MPP7: variants seen among roughly 807,000 people sequenced by gnomAD.
The protein encoded by MPP7 is MAGUK p55 subfamily member 7.
MPP7 carries 60 observed loss-of-function variants against 76.5 expected under a neutral mutation model. The observed-to-expected ratio is 0.78, with a 90% CI of 0.64 to 0.97. The LOEUF is 0.97. MPP7 is among the 50% of genes least tolerant of loss of function. MPP7 has a pLI of 0.00. For missense variants in MPP7, 641 were observed against 694.0 expected (o/e 0.92, Z 0.86); for synonymous variants, 237 against 244.5 (o/e 0.97, Z 0.29).
At chr10:28,174,642 G>A (rs1189964737) in intron 3 of MPP7, among the ~76,000 whole-genome samples, 4 of 152,050 alleles carry the variant, frequency 2.6e-5, no homozygotes, top group Admixed American at 2.6e-4. Context: ...AAGATACCCC[G>A]CAACTCCATT....
chr10:28,166,974 TCAATAGATATCC>T (rs1836486316), intron 3 of MPP7, among the ~76,000 whole-genome samples: 1 of 152,160 alleles, frequency 6.6e-6, no homozygotes, highest in Non-Finnish European at 1.5e-5. Flanking sequence ...TATTTTGCTA[TCAATAGATATCC>T]CAATTGATAT....
At chr10:28,323,769 A>C (rs1479751956) in intron 2 of MPP7, among the ~76,000 whole-genome samples, 5 of 152,188 alleles carry the variant, frequency 3.3e-5, no homozygotes, top group Admixed American at 3.3e-4. Flanking sequence ...TTCAGTCTCC[A>C]GTCCTGGAGC....
rs911455053 is a variant in MPP7, at chr10:28,053,726, A to G, written c.*339T>C. ...CTCGACAGCAGCAGCCACACCTGAG[A>G]CCAGCAGAAGCGCTGAACTCCCATA... On this transcript the variant is annotated 3_prime_UTR_variant, in exon 17 of 17. Transcript: ENST00000683449. 13 of 218,664 alleles carry G rather than the reference A, an allele frequency of 5.9e-5. No individual in the cohort carries two copies. Among genetic ancestry groups the G allele is most frequent in the African/African-American group, 9.4e-5 (4 of 42,668 alleles). 13.5% of individuals were successfully genotyped at this position (218,664 alleles called of 1,614,324 possible).
chr10:28,261,419 T>C (rs769806652), intron 1 of MPP7, among the ~76,000 whole-genome samples: 1 of 152,210 alleles, frequency 6.6e-6, no homozygotes, highest in African/African-American at 2.4e-5. Flanking sequence ...GCAGTCACCA[T>C]AGTTCCACTA....
At chr10:28,178,551 A>G (rs1836951859) in intron 3 of MPP7, among the ~76,000 whole-genome samples, 1 of 152,088 alleles carries the variant, frequency 6.6e-6, no homozygotes. Flanking sequence ...CAACAAGCAG[A>G]GTAGCATGAT....
At chr10:28,281,941 G>C (rs1176667571) in intron 1 of MPP7, 7 of 152,136 alleles carry the variant, frequency 4.6e-5, no homozygotes. Context: ...AAGGAAGACA[G>C]CTGTGGAAAC....
chr10:28,251,916 A>G lies in MPP7; in HGVS notation c.-131-13181T>C, dbSNP rs556455526. Among the ~76,000 whole-genome samples, 101 of 151,424 alleles carry G rather than the reference A, an allele frequency of 6.7e-4. 1 individual carries two copies. The highest frequency in any genetic ancestry group is 2.1e-3 in the African/African-American group (84 of 40,862). ...TCTAATATATGTATACTTAACAACA[A>G]CAAAAAAAAACTTTTTCCATTTGTT... On this transcript the variant is annotated intron_variant, in intron 1 of 16. Coordinates refer to ENST00000683449, the MANE Select transcript of MPP7 (RefSeq NM_001318170.2).
At chr10:28,230,337 C>A (rs191821748) in intron 2 of MPP7, among the ~76,000 whole-genome samples, 1,824 of 148,700 alleles carry the variant, frequency 0.012, 37 homozygotes, top group African/African-American at 0.042. Flanking sequence ...TTGTACAACC[C>A]CAAAAAGCTT....
intron 5 of MPP7, among the ~76,000 whole-genome samples, chr10:28,134,880 C>A (rs1167427175): frequency 1.3e-5 from 2 of 152,042 alleles, no homozygotes; most frequent in Non-Finnish European, 2.9e-5. Context: ...AGTTCAAATA[C>A]CTTCAAAGTG....
At chr10:28,198,910 A>G (rs554269749) in intron 3 of MPP7, among the ~76,000 whole-genome samples, 1 of 152,214 alleles carries the variant, frequency 6.6e-6, no homozygotes, top group African/African-American at 2.4e-5. Context: ...CACCCTCATA[A>G]ACAATGTATT....
intron 13 of MPP7, 64 bp downstream of exon 13, chr10:28,069,708 T>A (rs763901588): frequency 5.3e-6 from 7 of 1,328,138 alleles, no homozygotes; most frequent in South Asian, 1.7e-5. Context: ...TTTAAAATAA[T>A]TTTTTAAAAA....
chr10:28,283,180 T>C (rs564428326), intron 1 of MPP7, among the ~76,000 whole-genome samples: 14 of 151,988 alleles, frequency 9.2e-5, no homozygotes, highest in African/African-American at 3.4e-4. Flanking sequence ...GAAAGAAAGA[T>C]TAAAGATCCA....
intron 1 of MPP7, among the ~76,000 whole-genome samples, chr10:28,297,794 A>G (rs1340002212): frequency 6.6e-6 from 1 of 152,248 alleles, no homozygotes. Flanking sequence ...GTAGAACCTC[A>G]TTCACAATTG....
intron 2 of MPP7, among the ~76,000 whole-genome samples, chr10:28,223,264 C>T (rs972487676): frequency 6.6e-6 from 1 of 152,090 alleles, no homozygotes; most frequent in Non-Finnish European, 1.5e-5. Flanking sequence ...TGCTAGGAAG[C>T]GAGGATGGGC....
intron 1 of MPP7, among the ~76,000 whole-genome samples, chr10:28,283,423 A>G (rs1179786927): frequency 6.6e-6 from 1 of 152,062 alleles, no homozygotes; most frequent in Non-Finnish European, 1.5e-5. Context: ...GAGGGTTTGC[A>G]TAACACAGCA....
intron 2 of MPP7, chr10:28,236,849 C>CCT (rs112884120): frequency 0.17 from 26,206 of 151,986 alleles, 2,534 homozygotes; most frequent in African/African-American, 0.26. Context: ...AAAAATGACC[C>CCT]GACTGGCCAG....
At chr10:28,283,466 G>A (rs1398111982) in intron 1 of MPP7, among the ~76,000 whole-genome samples, 1 of 151,966 alleles carries the variant, frequency 6.6e-6, no homozygotes. Context: ...AGAAATGACC[G>A]CTCTTAATCT....
intron 2 of MPP7, among the ~76,000 whole-genome samples, chr10:28,210,079 TTA>T (rs1297655377): frequency 6.6e-6 from 1 of 152,170 alleles, no homozygotes; most frequent in African/African-American, 2.4e-5. Context: ...TGATACTTAC[TTA>T]TACTGCAGCC....
chr10:28,054,579 G>A (rs1007017884), intron 16 of MPP7, among the ~76,000 whole-genome samples: 6 of 152,170 alleles, frequency 3.9e-5, no homozygotes, highest in Non-Finnish European at 7.3e-5. Flanking sequence ...TTACTCTGAT[G>A]TTTTGGCTGC....
Sources: allele counts gnomAD v4.1 joint callset (sites outside exome capture counted in the v4.1 genomes callset), GRCh38; gene constraint gnomAD v4.1.1; transcripts MANE v1.5; gene names NCBI Gene and HGNC (gene_info 2026-07-23, HGNC 2026-07-21).